The following FYN variants were observed in gnomAD, a reference collection of about 807,000 sequenced individuals.
FYN encodes the protein FYN proto-oncogene, Src family tyrosine kinase.
Under a neutral mutation model 70.2 loss-of-function variants are expected in FYN, and 10 were observed. That is an observed-to-expected ratio of 0.14 (90% CI 0.09 to 0.24). FYN has a LOEUF of 0.24. Ranked by LOEUF, FYN falls within the 10% of genes least tolerant of loss-of-function variation. The probability of loss-of-function intolerance (pLI) is 1.00; values close to 1 mark genes in which losing one functional copy is unlikely to be tolerated. For synonymous variants in FYN, 236 were observed against 248.6 expected (o/e 0.95, Z 0.48); for missense variants, 319 against 673.1 (o/e 0.47, Z 5.82).
At chr6:111,808,678 G>A (rs777573766) in intron 2 of FYN, among the ~76,000 whole-genome samples, 3 of 152,134 alleles carry the variant, frequency 2.0e-5, no homozygotes, top group South Asian at 2.1e-4. Context: ...TGACGAAGAC[G>A]CCAGGTGCAA....
intron 3 of FYN, among the ~76,000 whole-genome samples, chr6:111,764,216 C>CAAAAAAAAAAAAAAAAAAAAAA (rs11409465): frequency 2.2e-4 from 13 of 58,354 alleles, no homozygotes; most frequent in African/African-American, 5.4e-4. Context: ...TTTTGTCAAG[C>CAAAAAAAAAAAAAAAAAAAAAA]AAAAAAAAAA....
chr6:111,807,732 C>T (rs1466876878), intron 2 of FYN, among the ~76,000 whole-genome samples: 1 of 152,138 alleles, frequency 6.6e-6, no homozygotes, highest in African/African-American at 2.4e-5. Flanking sequence ...AGGCCTGGAA[C>T]CTGCATTTTC....
At chr6:111,790,487 A>C (rs1283040652) in intron 2 of FYN, among the ~76,000 whole-genome samples, 2 of 152,004 alleles carry the variant, frequency 1.3e-5, no homozygotes, top group Non-Finnish European at 2.9e-5. Flanking sequence ...CCAGTATCTG[A>C]GTCTTCTCTC....
At chr6:111,779,539 G>C (rs566172626) in intron 3 of FYN, among the ~76,000 whole-genome samples, 1 of 152,130 alleles carries the variant, frequency 6.6e-6, no homozygotes, top group East Asian at 1.9e-4. Context: ...CTCAAACAAG[G>C]TGACCTCACT....
At chr6:111,731,926 T>C (rs914259677) in intron 3 of FYN, among the ~76,000 whole-genome samples, 5 of 152,136 alleles carry the variant, frequency 3.3e-5, no homozygotes, top group African/African-American at 4.8e-5. Context: ...TGAATGCAAA[T>C]TGAGTGCCAA....
chr6:111,779,519 A>G (rs574185675), intron 3 of FYN, among the ~76,000 whole-genome samples: 2 of 152,326 alleles, frequency 1.3e-5, no homozygotes. Context: ...AACTCCAAAA[A>G]TGAACACAGC....
chr6:111,776,204 C>T (rs1272503691), intron 3 of FYN, among the ~76,000 whole-genome samples: 3 of 152,150 alleles, frequency 2.0e-5, no homozygotes, highest in African/African-American at 7.2e-5. Context: ...GATACCTACC[C>T]TGGGTCACAA....
intron 3 of FYN, among the ~76,000 whole-genome samples, chr6:111,726,511 TCAGTCATA>T (rs1395647914): frequency 1.3e-5 from 2 of 152,198 alleles, no homozygotes; most frequent in African/African-American, 4.8e-5. Context: ...CACAGCTATG[TCAGTCATA>T]GAGATGGGAT....
At chr6:111,859,088 T>C (rs549062803) in intron 1 of FYN, among the ~76,000 whole-genome samples, 1 of 152,036 alleles carries the variant, frequency 6.6e-6, no homozygotes, top group Non-Finnish European at 1.5e-5. Context: ...AGGGCCCCCT[T>C]ACCTTTGTCA....
At chr6:111,698,215 C>T (rs1799662962) in intron 9 of FYN, among the ~76,000 whole-genome samples, 1 of 152,112 alleles carries the variant, frequency 6.6e-6, no homozygotes, top group African/African-American at 2.4e-5. Flanking sequence ...CTCACCGCAA[C>T]CTCCACCTCC....
intron 1 of FYN, among the ~76,000 whole-genome samples, chr6:111,862,505 G>C (rs1412422009): frequency 6.6e-6 from 1 of 152,158 alleles, no homozygotes; most frequent in Non-Finnish European, 1.5e-5. Context: ...AAAGCCAGCT[G>C]CATGTTCCAG....
chr6:111,803,609 T>G (rs1184023239), intron 2 of FYN, among the ~76,000 whole-genome samples: 9 of 152,164 alleles, frequency 5.9e-5, no homozygotes, highest in Non-Finnish European at 1.0e-4. Context: ...TTCATAGTGT[T>G]TTGAACCAGT....
chr6:111,770,778 T>C (rs1170042122), intron 3 of FYN, among the ~76,000 whole-genome samples: 2 of 151,996 alleles, frequency 1.3e-5, no homozygotes, highest in Non-Finnish European at 2.9e-5. Context: ...AGGAGGGGTG[T>C]CCTCACTTTG....
intron 3 of FYN, among the ~76,000 whole-genome samples, chr6:111,756,417 A>T (rs1221425476): frequency 7.8e-6 from 1 of 127,782 alleles, no homozygotes; most frequent in Non-Finnish European, 1.5e-5. Context: ...AAAAAAAAGT[A>T]AAAAAAAAAT....
intron 3 of FYN, among the ~76,000 whole-genome samples, chr6:111,726,913 C>T (rs180739541): frequency 1.1e-4 from 17 of 152,308 alleles, no homozygotes; most frequent in Non-Finnish European, 2.1e-4. Flanking sequence ...TGCACTTACT[C>T]CGTCCTGCCG....
chr6:111,701,783 T>A lies in FYN; in HGVS notation c.697+1102A>T, dbSNP rs903121163. Among the ~76,000 whole-genome samples the A allele has an allele frequency of 9.2e-5, 14 of 152,340 alleles. 1 individual carries two copies. In the South Asian group the frequency reaches 1.0e-3, roughly 11 times the overall value. Reference sequence around the variant, plus strand: ...ATCACTTAAGCTCAGGGAGATATTTTGTTCCATTTCTCCCAAATGTTTCAT... The same window carrying A: ...ATCACTTAAGCTCAGGGAGATATTTAGTTCCATTTCTCCCAAATGTTTCAT... On this transcript the variant is annotated intron_variant, in intron 8 of 13. Coordinates refer to ENST00000354650, the MANE Select transcript of FYN (RefSeq NM_002037.5).
At chr6:111,785,679 T>A (rs746215575) in intron 2 of FYN, among the ~76,000 whole-genome samples, 3 of 152,118 alleles carry the variant, frequency 2.0e-5, no homozygotes, top group Non-Finnish European at 4.4e-5. Flanking sequence ...CTTTTTTTTT[T>A]ATTACTATAC....
At chr6:111,757,551 A>C (rs1318419985) in intron 3 of FYN, among the ~76,000 whole-genome samples, 7 of 152,208 alleles carry the variant, frequency 4.6e-5, no homozygotes, top group Admixed American at 4.6e-4. Context: ...AAAAGGAAAA[A>C]TATGGCTGAT....
chr6:111,756,315 T>TA (rs998739996), intron 3 of FYN, among the ~76,000 whole-genome samples: 36 of 151,840 alleles, frequency 2.4e-4, no homozygotes, highest in Non-Finnish European at 5.9e-5. Flanking sequence ...TAATAACCTT[T>TA]AAAAAACTGA....
Sources: gnomAD v4.1 joint callset for allele counts (sites outside exome capture counted in the v4.1 genomes callset) on GRCh38, gnomAD v4.1.1 for gene constraint, MANE v1.5 for transcripts, NCBI Gene and HGNC (gene_info 2026-07-23, HGNC 2026-07-21) for gene names.